Variants in ZNF462 observed in about 807,000 individuals in gnomAD.
The protein encoded by ZNF462 is zinc finger PBX1-interacting protein.
Under a neutral mutation model 201.9 loss-of-function variants are expected in ZNF462, and 10 were observed. The ratio of observed to expected loss-of-function variants is 0.05; its 90% CI spans 0.03 to 0.08. The LOEUF (loss-of-function observed/expected upper bound fraction) is 0.08, where lower values mean the gene tolerates loss of function less well. Ranked by LOEUF, ZNF462 falls within the 10% of genes least tolerant of loss-of-function variation. The pLI, the probability that ZNF462 is intolerant of heterozygous loss-of-function variation, is 1.00. For synonymous variants in ZNF462, 1,227 were observed against 1,193.3 expected (o/e 1.03, Z -0.58); for missense variants, 2,523 against 3,168.3 (o/e 0.80, Z 4.89).
In ZNF462 at chr9:106,932,828, T is replaced by C; in HGVS notation, c.6116+279T>C. 1 of 543,092 alleles carries C rather than the reference T, an allele frequency of 1.8e-6. No homozygotes were observed. Among genetic ancestry groups the C allele is most frequent in the Non-Finnish European group, 3.3e-6 (1 of 306,732 alleles). 33.6% of individuals were successfully genotyped at this position (543,092 alleles called of 1,614,324 possible). ...AAGGTAAAATGGCATCTGTGGAGAG[T>C]AGATGAGTCTCCTGATTCATCGTTC... On this transcript the variant is annotated intron_variant, in intron 5 of 12. Transcript: ENST00000277225. This position sits in a 1 kb window ranked among gnomAD's most constrained non-coding sequence, Gnocchi z 6.8.
At chr9:106,998,664 G>A (rs1462891362) in intron 10 of ZNF462, among the ~76,000 whole-genome samples, 1 of 151,946 alleles carries the variant, frequency 6.6e-6, no homozygotes, top group East Asian at 1.9e-4. Context: ...CTGGAGTGCA[G>A]TGGCATGATC....
chr9:106,953,611 A>G (rs926270237), intron 7 of ZNF462, among the ~76,000 whole-genome samples: 2 of 151,780 alleles, frequency 1.3e-5, no homozygotes, highest in African/African-American at 2.4e-5. Flanking sequence ...CTCCCCTTAC[A>G]TGTACTTGGT....
At chr9:106,941,309 T>C (rs192231894) in intron 7 of ZNF462, among the ~76,000 whole-genome samples, 364 of 152,344 alleles carry the variant, frequency 2.4e-3, no homozygotes, top group Non-Finnish European at 4.1e-3. Context: ...ATGATACTAT[T>C]AGCGCTTACA....
rs1428608957 is a variant in ZNF462 at position 106,962,471 on chromosome 9, C to T, written c.6428-9534C>T. Reference sequence around the variant, plus strand: ...CCTCCTTGGCCTCAGGTCAGACCTGCCTGGATTCCTCAAAAATATAAAGAA... The same window carrying T: ...CCTCCTTGGCCTCAGGTCAGACCTGTCTGGATTCCTCAAAAATATAAAGAA... On this transcript the variant is annotated intron_variant, in intron 7 of 12. Coordinates refer to ENST00000277225, the MANE Select transcript of ZNF462 (RefSeq NM_021224.6). This position sits in a 1 kb window ranked among gnomAD's most constrained non-coding sequence, Gnocchi z 4.6. Among the ~76,000 whole-genome samples, 1 of 151,932 alleles carries T rather than the reference C, an allele frequency of 6.6e-6. No homozygotes were observed. Among genetic ancestry groups the T allele is most frequent in the Non-Finnish European group, 1.5e-5 (1 of 67,972 alleles).
rs1286003916 is a variant in ZNF462 at position 106,933,581 on chromosome 9, C to T, written c.6116+1032C>T. On this transcript the variant is annotated intron_variant, in intron 5 of 12. Transcript: ENST00000277225. This position sits in a 1 kb window ranked among gnomAD's most constrained non-coding sequence, Gnocchi z 4.3. ...ACTGTACTTTTGGGAAATATAAAGACACAGGCCATGGTCTGTGGCCAGGGG... is the reference window on the plus strand; with the variant it reads ...ACTGTACTTTTGGGAAATATAAAGATACAGGCCATGGTCTGTGGCCAGGGG... 1.3e-5 allele frequency among the ~76,000 whole-genome samples: 2 copies of T among 151,964 alleles called. No individual in the cohort carries two copies. Among genetic ancestry groups the T allele is most frequent in the African/African-American group, 4.8e-5 (2 of 41,384 alleles).
chr9:106,872,706 A>G lies in ZNF462; in HGVS notation c.-31+9351A>G, dbSNP rs1170011555. Among the ~76,000 whole-genome samples the G allele has an allele frequency of 2.0e-5, 3 of 152,206 alleles. No homozygotes were observed. Among genetic ancestry groups the G allele is most frequent in the African/African-American group, 7.2e-5 (3 of 41,458 alleles). On this transcript the variant is annotated intron_variant, in intron 1 of 12. Coordinates refer to ENST00000277225, the MANE Select transcript of ZNF462 (RefSeq NM_021224.6). The surrounding 1 kb of genome is among the most constrained non-coding windows in gnomAD (Gnocchi z 4.5). ...ATTTAAATATCGGAGTTCAGTTGCA[A>G]GAACTTCCCCCCTTTCTGCTGTCAA... is the stretch of plus-strand genomic sequence containing the variant.
chr9:106,864,039 G>GCTCTCTCTCTCT (rs773917122), intron 1 of ZNF462, among the ~76,000 whole-genome samples: 4 of 22,754 alleles, frequency 1.8e-4, no homozygotes, highest in East Asian at 2.5e-3. Flanking sequence ...CAGGTATTTG[G>GCTCTCTCTCTCT]CTCTCTCTCT....
At chr9:106,942,992 AC>A (rs1243365321) in intron 7 of ZNF462, among the ~76,000 whole-genome samples, 6 of 152,054 alleles carry the variant, frequency 3.9e-5, no homozygotes, top group African/African-American at 1.4e-4. Context: ...TAGGACAAAA[AC>A]AAAAATCAGA....
Position 106,924,868 on chromosome 9 carries a change from A to C in ZNF462, c.956A>C (p.Asn319Thr). The change falls in exon 3 of 13, where the codon AAC (asparagine) becomes ACC (threonine). Residue 319 changes from asparagine to threonine, a missense_variant. Physicochemically the swap from Asn to Thr is moderately conservative, Grantham distance 65. Coordinates refer to ENST00000277225, the MANE Select transcript of ZNF462 (RefSeq NM_021224.6). The surrounding 1 kb of genome is among the most constrained non-coding windows in gnomAD (Gnocchi z 6.2). ...GAGATACCCAATACTACCGTCTCCA[A>C]CTTCAGGGGCTCCATGGGCAACTCC... is the stretch of plus-strand genomic sequence containing the variant. ...SREIPNTTVS[N>T]FRGSMGNSIM... 1 of 1,614,168 alleles carries C rather than the reference A, an allele frequency of 6.2e-7. No individual in the cohort carries two copies. The highest frequency in any genetic ancestry group is 8.5e-7 in the Non-Finnish European group (1 of 1,180,020).
At chr9:106,959,737 C>G (rs185856419) in intron 7 of ZNF462, among the ~76,000 whole-genome samples, 24 of 152,128 alleles carry the variant, frequency 1.6e-4, no homozygotes, top group African/African-American at 4.6e-4. Context: ...TGAAGGGCAA[C>G]AAGAGACTTT....
Position 106,927,821 on chromosome 9 carries a change from T to G in ZNF462, c.3909T>G (p.Phe1303Leu). 6.2e-7 allele frequency: 1 copy of G among 1,614,124 alleles called. No homozygotes were observed. The highest frequency in any genetic ancestry group is 8.5e-7 in the Non-Finnish European group (1 of 1,180,032). The change falls in exon 3 of 13, where the codon TTT becomes TTG. Residue 1303 changes from phenylalanine (F) to leucine (L), a missense_variant. Transcript: ENST00000277225. ...ATVTSIMRWA[F>L]LDGLIEAGYH... Reference sequence around the variant, plus strand: ...TCACGTCCATCATGCGATGGGCATTTCTAGATGGCTTGATAGAAGCTGGCT... The same window carrying G: ...TCACGTCCATCATGCGATGGGCATTGCTAGATGGCTTGATAGAAGCTGGCT...
In ZNF462 at chr9:106,928,551, G is replaced by A; in HGVS notation, c.4639G>A (p.Asp1547Asn). The part of the protein sequence containing the change: ...RHPSIKVTAE[D>N]FVHDVEQSAD... ...CCCGTCCATCAAGGTGACCGCTGAGGACTTTGTGCACGACGTAGAGCAGTC... is the reference window on the plus strand; with the variant it reads ...CCCGTCCATCAAGGTGACCGCTGAGAACTTTGTGCACGACGTAGAGCAGTC... Residue 1547 changes from aspartate to asparagine, a missense_variant, in exon 3 of 13, where the codon GAC becomes AAC. Asp to Asn is a conservative substitution (Grantham distance 23, BLOSUM62 1). Coordinates refer to ENST00000277225, the MANE Select transcript of ZNF462 (RefSeq NM_021224.6). The surrounding 1 kb of genome is among the most constrained non-coding windows in gnomAD (Gnocchi z 9.3). 6.2e-7 allele frequency: 1 copy of A among 1,613,974 alleles called. No homozygotes were observed. Among genetic ancestry groups the A allele is most frequent in the Non-Finnish European group, 8.5e-7 (1 of 1,179,986 alleles).
Position 106,864,104 on chromosome 9 carries a change from CTCT to C in ZNF462, c.-31+750_-31+752del, listed in dbSNP as rs1564062837. On this transcript the variant is annotated intron_variant, in intron 1 of 12. Coordinates refer to ENST00000277225, the MANE Select transcript of ZNF462 (RefSeq NM_021224.6). ...TCTCTCTCTCTCTCTCTCTCTCTCT[CTCT>C]CTCCCTCTCCCCGAAGTTGGGATGC... 7.1e-4 allele frequency among the ~76,000 whole-genome samples: 87 copies of C among 122,534 alleles called. 7 individuals are homozygous for C. The highest frequency in any genetic ancestry group is 8.2e-4 in the Non-Finnish European group (46 of 56,164). 80.4% of individuals were successfully genotyped at this position (122,534 alleles called of 152,430 possible).
At chr9:106,887,952 A>G (rs934374832) in intron 1 of ZNF462, among the ~76,000 whole-genome samples, 2 of 152,176 alleles carry the variant, frequency 1.3e-5, no homozygotes, top group African/African-American at 4.8e-5. Context: ...AATGTGGGAG[A>G]TAAATGTGCC....
chr9:106,948,010 G>A (rs1831181744), intron 7 of ZNF462, among the ~76,000 whole-genome samples: 1 of 152,202 alleles, frequency 6.6e-6, no homozygotes, highest in Admixed American at 6.5e-5. Flanking sequence ...GCATTTGAAT[G>A]GCTATAACTT....
Position 107,003,433 on chromosome 9 carries a change from C to T in ZNF462, c.7189+7C>T. The T allele has an allele frequency of 1.2e-6, 2 of 1,612,690 alleles. No individual in the cohort carries two copies. The highest frequency in any genetic ancestry group is 1.7e-6 in the Non-Finnish European group (2 of 1,179,428). ...AGCAAGGCTGAAGACAGAGGTTAGT[C>T]TCATCCTGCCCTCCCAATCCCAGAT... On this transcript the variant is annotated splice_region_variant and intron_variant, in intron 11 of 12. Coordinates refer to ENST00000277225, the MANE Select transcript of ZNF462 (RefSeq NM_021224.6). This position sits in a 1 kb window ranked among gnomAD's most constrained non-coding sequence, Gnocchi z 4.4.
Position 107,008,965 on chromosome 9 carries a change from C to T in ZNF462, c.7190-580C>T, listed in dbSNP as rs1829755083. Among the ~76,000 whole-genome samples the T allele has an allele frequency of 6.6e-6, 1 of 152,188 alleles. No individual in the cohort carries two copies. The highest frequency in any genetic ancestry group is 1.5e-5 in the Non-Finnish European group (1 of 68,030). ...ATGTTCATGGTAGATTCTTCGCTTGCAGATCTCATTCAGTGCACATAACCG... is the reference window on the plus strand; with the variant it reads ...ATGTTCATGGTAGATTCTTCGCTTGTAGATCTCATTCAGTGCACATAACCG... On this transcript the variant is annotated intron_variant, in intron 11 of 12. Coordinates refer to ENST00000277225, the MANE Select transcript of ZNF462 (RefSeq NM_021224.6). This position sits in a 1 kb window ranked among gnomAD's most constrained non-coding sequence, Gnocchi z 4.8.
At position 106,899,239 on chromosome 9, in the gene ZNF462, TGGGG is replaced by T. The variant is rs71384992; in HGVS notation, c.-30-24105_-30-24102del. ...GAATGTGTGTGTATGTGTGTGTGTG[TGGGG>T]GGGGGGGGGTGTGTGCATGCATGCA... On this transcript the variant is annotated intron_variant, in intron 1 of 12. Coordinates refer to ENST00000277225, the MANE Select transcript of ZNF462 (RefSeq NM_021224.6). 5.0e-3 allele frequency among the ~76,000 whole-genome samples: 288 copies of T among 57,546 alleles called. 7 individuals carry two copies. The highest frequency in any genetic ancestry group is 0.013 in the African/African-American group (270 of 20,662). 37.8% of individuals were successfully genotyped at this position (57,546 alleles called of 152,430 possible). A position where few individuals can be genotyped will look rare whatever the true frequency, so the allele number is the denominator to read the frequency against.
rs755008509 is a variant in ZNF462 at position 106,932,335 on chromosome 9, G to C, written c.6013-111G>C. The C allele has an allele frequency of 1.9e-6, 3 of 1,566,320 alleles. No individual in the cohort carries two copies. Among genetic ancestry groups the C allele is most frequent in the South Asian group, 1.2e-5 (1 of 85,730 alleles). ...AGCCAAAGACGCCAGTGGCGCCCTGGTGGGCCGGGTGGATGGTGAACACTG... is the reference window on the plus strand; with the variant it reads ...AGCCAAAGACGCCAGTGGCGCCCTGCTGGGCCGGGTGGATGGTGAACACTG... On this transcript the variant is annotated intron_variant, in intron 4 of 12. Transcript: ENST00000277225. The surrounding 1 kb of genome is among the most constrained non-coding windows in gnomAD (Gnocchi z 6.8).
Sources: gnomAD v4.1 joint callset for allele counts (sites outside exome capture counted in the v4.1 genomes callset) on GRCh38, gnomAD v4.1.1 for gene constraint, Gnocchi (gnomAD v3.1) non-coding constraint, MANE v1.5 for transcripts, NCBI Gene and HGNC (gene_info 2026-07-23, HGNC 2026-07-21) for gene names.